The following EEPD1 variants were observed in gnomAD, a reference collection of about 807,000 sequenced individuals.
The protein encoded by EEPD1 is endonuclease/exonuclease/phosphatase family domain containing 1, also known as endonuclease/exonuclease/phosphatase family domain-containing protein 1.
EEPD1 carries 17 observed loss-of-function variants against 46.3 expected under a neutral mutation model. The observed-to-expected ratio is 0.37, with a 90% CI of 0.25 to 0.55. The LOEUF is 0.55. Among genes scored for constraint, EEPD1 ranks in the 20% least tolerant of loss-of-function variants. The pLI is 0.83. For missense variants in EEPD1, 673 were observed against 745.6 expected, an observed-to-expected ratio of 0.90 and a Z score of 1.13; for synonymous variants, 313 against 315.6, an observed-to-expected ratio of 0.99 and a Z score of 0.09.
chr7:36,234,947 G>A (rs559589017), intron 2 of EEPD1, among the ~76,000 whole-genome samples: 167 of 133,894 alleles, frequency 1.2e-3, no homozygotes, highest in Middle Eastern at 4.8e-3. Context: ...ATGGCCTCCA[G>A]CCCAGGCCTC....
intron 2 of EEPD1, among the ~76,000 whole-genome samples, chr7:36,188,918 A>G (rs1026494961): frequency 6.6e-6 from 1 of 152,222 alleles, no homozygotes; most frequent in African/African-American, 2.4e-5. Flanking sequence ...ATATAATTTC[A>G]TATTTGGGAA....
At chr7:36,288,547 G>A (rs1356972358) in intron 6 of EEPD1, among the ~76,000 whole-genome samples, 3 of 152,146 alleles carry the variant, frequency 2.0e-5, no homozygotes, top group Admixed American at 2.0e-4. Flanking sequence ...GATCACTTGA[G>A]CCCAGGAGTT....
intron 3 of EEPD1, among the ~76,000 whole-genome samples, chr7:36,280,442 G>A (rs1241229888): frequency 6.6e-6 from 1 of 152,242 alleles, no homozygotes; most frequent in Admixed American, 6.5e-5. Context: ...TTTGAGGCAT[G>A]AGTTAGAGGA....
chr7:36,276,348 C>T (rs1787182566), intron 3 of EEPD1, among the ~76,000 whole-genome samples: 1 of 152,154 alleles, frequency 6.6e-6, no homozygotes, highest in Non-Finnish European at 1.5e-5. Flanking sequence ...CCCAATTTTA[C>T]CCAATTTGGT....
In EEPD1 at chr7:36,154,922, TC is replaced by T; in HGVS notation, c.600del (p.Arg201GlyfsTer11). ...CCGGCACCAGGTGTTTGCTGAGAGG[TC>T]CAGGCCCCCATCCACCCACACGAAC... ...RIRHQVFAER[S>X]RPPSTHTNGG... On this transcript the variant is annotated frameshift_variant, in exon 2 of 8. Coordinates refer to ENST00000242108, the MANE Select transcript of EEPD1 (RefSeq NM_030636.3). LOFTEE classifies it high-confidence loss of function. This position sits in a 1 kb window ranked among gnomAD's most constrained non-coding sequence, Gnocchi z 4.2. 6.2e-7 allele frequency: 1 copy of T among 1,613,708 alleles called. No individual in the cohort carries two copies. The highest frequency in any genetic ancestry group is 8.5e-7 in the Non-Finnish European group (1 of 1,179,924).
At position 36,225,921 on chromosome 7, in the gene EEPD1, C is replaced by T. The variant is rs1186218512; in HGVS notation, c.879-13064C>T. 6.6e-6 allele frequency among the ~76,000 whole-genome samples: 1 copy of T among 152,200 alleles called. No homozygotes were observed. The highest frequency in any genetic ancestry group is 1.5e-5 in the Non-Finnish European group (1 of 68,034). On this transcript the variant is annotated intron_variant, in intron 2 of 7. Transcript: ENST00000242108. This position sits in a 1 kb window ranked among gnomAD's most constrained non-coding sequence, Gnocchi z 4.2. ...GGGAAGTATACAAACATGCTCCTTT[C>T]TTTAAAATTCATTTTAAAGACATGT...
intron 2 of EEPD1, among the ~76,000 whole-genome samples, chr7:36,176,328 C>G (rs914942642): frequency 6.6e-6 from 1 of 152,152 alleles, no homozygotes; most frequent in East Asian, 1.9e-4. Context: ...ACAACCCTCT[C>G]CCTCACAGTC....
At chr7:36,236,381 G>A (rs1347825075) in intron 2 of EEPD1, among the ~76,000 whole-genome samples, 1 of 152,242 alleles carries the variant, frequency 6.6e-6, no homozygotes, top group African/African-American at 2.4e-5. Flanking sequence ...CCGCCGGCCG[G>A]CACTTGCTGG....
Position 36,299,228 on chromosome 7 carries a change from A to G in EEPD1, c.*22A>G. 1 of 1,608,900 alleles carries G rather than the reference A, an allele frequency of 6.2e-7. No homozygotes were observed. Among genetic ancestry groups the G allele is most frequent in the Non-Finnish European group, 8.5e-7 (1 of 1,177,350 alleles). ...ATGATGACACCAAATCCATGTGTCC[A>G]CCCTGGGACCCAGGAGGGCACAGCC... On this transcript the variant is annotated 3_prime_UTR_variant, in exon 8 of 8. Transcript: ENST00000242108.
intron 3 of EEPD1, among the ~76,000 whole-genome samples, chr7:36,243,742 T>A (rs1299405021): frequency 6.6e-6 from 1 of 152,116 alleles, no homozygotes; most frequent in Non-Finnish European, 1.5e-5. Context: ...TTCATGTCCT[T>A]TGTAGGGACA....
chr7:36,270,303 CTTTA>C (rs988189177), intron 3 of EEPD1, among the ~76,000 whole-genome samples: 5 of 151,938 alleles, frequency 3.3e-5, no homozygotes, highest in Non-Finnish European at 7.4e-5. Flanking sequence ...GGACATAAGC[CTTTA>C]TTTATTTATT....
Position 36,215,414 on chromosome 7 carries a change from T to C in EEPD1, c.879-23571T>C, listed in dbSNP as rs561217324. On this transcript the variant is annotated intron_variant, in intron 2 of 7. Coordinates refer to ENST00000242108, the MANE Select transcript of EEPD1 (RefSeq NM_030636.3). ...CTCAGTATGGACATCCAGCAGCAGA[T>C]GTTAATTGCTGGAGAGGTAGGTGGA... Among the ~76,000 whole-genome samples the C allele has an allele frequency of 6.0e-4, 91 of 152,328 alleles. 1 individual carries two copies. The highest frequency in any genetic ancestry group is 2.0e-3 in the African/African-American group (85 of 41,578).
intron 2 of EEPD1, among the ~76,000 whole-genome samples, chr7:36,183,804 T>G (rs1785314247): frequency 6.6e-6 from 1 of 151,696 alleles, no homozygotes; most frequent in African/African-American, 2.4e-5. Flanking sequence ...CCCGCCAGAC[T>G]CTGTATTCTT....
At chr7:36,223,692 A>C (rs1258833436) in intron 2 of EEPD1, among the ~76,000 whole-genome samples, 2 of 152,240 alleles carry the variant, frequency 1.3e-5, no homozygotes, top group Admixed American at 6.5e-5. Flanking sequence ...GCTGTAAAAT[A>C]GAAATCGAAA....
At chr7:36,265,189 T>C (rs1215015513) in intron 3 of EEPD1, among the ~76,000 whole-genome samples, 1 of 152,242 alleles carries the variant, frequency 6.6e-6, no homozygotes, top group Non-Finnish European at 1.5e-5. Flanking sequence ...TGAGTCCTAA[T>C]TCTGTTTAAT....
At chr7:36,263,341 G>A (rs887194406) in intron 3 of EEPD1, among the ~76,000 whole-genome samples, 20 of 152,072 alleles carry the variant, frequency 1.3e-4, no homozygotes, top group African/African-American at 4.8e-4. Flanking sequence ...AAGGGAGGGG[G>A]GGGAAAAAGC....
chr7:36,172,900 G>A (rs1197836043), intron 2 of EEPD1, among the ~76,000 whole-genome samples: 3 of 151,004 alleles, frequency 2.0e-5, no homozygotes, highest in Admixed American at 6.6e-5. Flanking sequence ...AGGCTGGGGG[G>A]TGGGGAGGGC....
intron 2 of EEPD1, 103 bp downstream of exon 2, chr7:36,155,305 C>A: frequency 1.5e-6 from 2 of 1,337,928 alleles, no homozygotes; most frequent in Non-Finnish European, 2.0e-6. Context: ...AGGGAGGGTG[C>A]AAGAGTTTTT....
intron 2 of EEPD1, among the ~76,000 whole-genome samples, chr7:36,165,586 A>AATTT (rs57475263): frequency 0.19 from 25,274 of 134,492 alleles, 3,181 homozygotes; most frequent in African/African-American, 0.35. Context: ...CGCCCCAGCT[A>AATTT]ATTTATTTAT....
Sources: allele counts gnomAD v4.1 joint callset (sites outside exome capture counted in the v4.1 genomes callset), GRCh38; gene constraint gnomAD v4.1.1; non-coding constraint Gnocchi (gnomAD v3.1); transcripts MANE v1.5; gene names NCBI Gene and HGNC (gene_info 2026-07-23, HGNC 2026-07-21).